The following CREB3L3 variants were observed in gnomAD, a reference collection of about 807,000 sequenced individuals.
CREB3L3 encodes cyclic AMP-responsive element-binding protein 3-like protein 3.
In CREB3L3, 40 loss-of-function variants were observed where a neutral mutation model predicts 44.6. The ratio of observed to expected loss-of-function variants is 0.90; its 90% CI spans 0.70 to 1.17. The LOEUF (loss-of-function observed/expected upper bound fraction) is 1.17. Among genes scored for constraint, CREB3L3 ranks in the 50% most tolerant of loss-of-function variants. The probability of loss-of-function intolerance (pLI) is 0.00; values close to 1 mark genes in which losing one functional copy is unlikely to be tolerated. For missense variants in CREB3L3, 578 were observed against 595.8 expected (o/e 0.97, Z 0.31); for synonymous variants, 273 against 256.3 (o/e 1.06, Z -0.62).
Position 4,170,173 on chromosome 19 carries a change from A to G in CREB3L3, c.855A>G (p.Leu285=). The change falls in exon 7 of 10, where the codon TTA becomes TTG. Residue 285 remains leucine, a synonymous_variant. Transcript: ENST00000078445. ...MSACTAQNQE[L]QRKVLHLEKQ... is the part of the protein sequence containing the mutation. Reference sequence around the variant, plus strand: ...CTTGCACTGCTCAGAATCAGGAGTTACAGAGGAAAGTCTTGCATCTCGAGA... The same window carrying G: ...CTTGCACTGCTCAGAATCAGGAGTTGCAGAGGAAAGTCTTGCATCTCGAGA... The G allele has an allele frequency of 6.2e-7, 1 of 1,614,140 alleles. No homozygotes were observed. The highest frequency in any genetic ancestry group is 8.5e-7 in the Non-Finnish European group (1 of 1,180,012).
chr19:4,167,795 G>A (rs1298393192), intron 5 of CREB3L3, among the ~76,000 whole-genome samples: 1 of 151,766 alleles, frequency 6.6e-6, no homozygotes, highest in Non-Finnish European at 1.5e-5. Context: ...GAGGGTTTGG[G>A]CAAAGGGTAG....
At chr19:4,168,317 G>A in intron 5 of CREB3L3, 34 bp from the exon 6 acceptor site, 2 of 1,570,422 alleles carry the variant, frequency 1.3e-6, no homozygotes, top group Non-Finnish European at 1.7e-6. Flanking sequence ...GGGACTTTCT[G>A]GCCTGAAACC....
At chr19:4,164,754 G>GC (rs2041704644) in intron 5 of CREB3L3, 114 bp downstream of exon 5, 1 of 1,288,042 alleles carries the variant, frequency 7.8e-7, no homozygotes, top group South Asian at 1.3e-5. Context: ...TGTCACTGAG[G>GC]CTGGGATGCA....
chr19:4,168,158 C>T (rs1966963616), intron 5 of CREB3L3, among the ~76,000 whole-genome samples, 193 bp from the exon 6 acceptor site: 2 of 151,906 alleles, frequency 1.3e-5, no homozygotes, highest in South Asian at 4.2e-4. Context: ...GCCACCATGC[C>T]TGGCTAATTT....
chr19:4,166,556 G>A (rs548552583), intron 5 of CREB3L3, among the ~76,000 whole-genome samples: 5 of 146,866 alleles, frequency 3.4e-5, no homozygotes, highest in Non-Finnish European at 5.9e-5. Flanking sequence ...GAGCCACTGC[G>A]CCCAGCATTT....
At chr19:4,154,614 T>G (rs1220036491) in intron 1 of CREB3L3, among the ~76,000 whole-genome samples, 1 of 151,836 alleles carries the variant, frequency 6.6e-6, no homozygotes, top group African/African-American at 2.4e-5. Context: ...GCTCAAGTGA[T>G]CCTCCTGCCC....
chr19:4,169,285 A>C (rs1433122761), intron 6 of CREB3L3, among the ~76,000 whole-genome samples: 3 of 151,644 alleles, frequency 2.0e-5, no homozygotes, highest in Admixed American at 2.0e-4. Context: ...AGTTCAGGAG[A>C]TCGAGACCAC....
chr19:4,165,624 G>T (rs766489796), intron 5 of CREB3L3, among the ~76,000 whole-genome samples: 5 of 152,122 alleles, frequency 3.3e-5, no homozygotes, highest in Admixed American at 6.6e-5. Flanking sequence ...CACTGTGGGA[G>T]GCTGAGGCAG....
intron 3 of CREB3L3, among the ~76,000 whole-genome samples, chr19:4,158,226 G>A (rs891497541): frequency 3.3e-5 from 5 of 152,080 alleles, no homozygotes; most frequent in African/African-American, 7.2e-5. Context: ...GGCCCGGAGC[G>A]GTGACTCATG....
At chr19:4,162,932 G>A (rs2041678281) in intron 4 of CREB3L3, among the ~76,000 whole-genome samples, 1 of 152,094 alleles carries the variant, frequency 6.6e-6, no homozygotes, top group South Asian at 2.1e-4. Flanking sequence ...AGCCAAGAGA[G>A]CACCACGGCA....
At chr19:4,167,372 G>GAGAA (rs1243040695) in intron 5 of CREB3L3, among the ~76,000 whole-genome samples, 18 of 136,308 alleles carry the variant, frequency 1.3e-4, no homozygotes, top group African/African-American at 4.3e-4. Context: ...GAGAGAGAGA[G>GAGAA]AGAAAAGGAA....
intron 1 of CREB3L3, among the ~76,000 whole-genome samples, chr19:4,154,451 C>T (rs1280927883): frequency 6.6e-6 from 1 of 152,032 alleles, no homozygotes; most frequent in Non-Finnish European, 1.5e-5. Flanking sequence ...CTCACTGCAG[C>T]CTCAACCTCC....
rs774337816 is a variant in CREB3L3 at position 4,171,203 on chromosome 19, G to A, written c.975+28G>A. On this transcript the variant is annotated intron_variant, in intron 8 of 9. Transcript: ENST00000078445. This position sits in a 1 kb window ranked among gnomAD's most constrained non-coding sequence, Gnocchi z 4.9. ...GAGTCCTGGTGCCCCCAGGCAAGCC[G>A]GGGACCTAGGCTTCTGTAGAGGGGC... The A allele has an allele frequency of 2.4e-5, 38 of 1,597,356 alleles. No homozygotes were observed. Among genetic ancestry groups the A allele is most frequent in the Admixed American group, 3.3e-5 (2 of 59,958 alleles).
chr19:4,171,011 G>T lies in CREB3L3; in HGVS notation c.891-80G>T. ...ATGGATGGAATTTGGACTTTAGCGG[G>T]GCTGGGGGACCCCGGAAATGGACGA... On this transcript the variant is annotated intron_variant, in intron 7 of 9. Coordinates refer to ENST00000078445, the MANE Select transcript of CREB3L3 (RefSeq NM_032607.3). This position sits in a 1 kb window ranked among gnomAD's most constrained non-coding sequence, Gnocchi z 4.9. 9.6e-7 allele frequency: 1 copy of T among 1,043,086 alleles called. No individual in the cohort carries two copies. The highest frequency in any genetic ancestry group is 1.6e-5 in the African/African-American group (1 of 64,052). The allele number at this position is 1,043,086 out of a possible 1,614,324, so 64.6% of individuals were successfully genotyped here. A position where few individuals can be genotyped will look rare whatever the true frequency, so the allele number is the denominator to read the frequency against.
At chr19:4,170,304 T>A (rs1208676664) in intron 7 of CREB3L3, 96 bp downstream of exon 7, 3 of 1,258,326 alleles carry the variant, frequency 2.4e-6, no homozygotes, top group Non-Finnish European at 2.3e-6. Context: ...CAGAATGACA[T>A]AGGGAATAAG....
chr19:4,168,214 G>A lies in CREB3L3; in HGVS notation c.715-137G>A, dbSNP rs559468351. 155 of 586,336 alleles carry A rather than the reference G, an allele frequency of 2.6e-4. 1 individual carries two copies. Among genetic ancestry groups the A allele is most frequent in the African/African-American group, 2.5e-3 (135 of 53,496 alleles). The allele number at this position is 586,336 out of a possible 1,614,324, so 36.3% of individuals were successfully genotyped here. On this transcript the variant is annotated intron_variant, in intron 5 of 9. Coordinates refer to ENST00000078445, the MANE Select transcript of CREB3L3 (RefSeq NM_032607.3). ...GTGTTTCACCATGTTGGCCAGGCTGGTCTCGAACTCCTGACCTCAGGTGAT... is the reference window on the plus strand; with the variant it reads ...GTGTTTCACCATGTTGGCCAGGCTGATCTCGAACTCCTGACCTCAGGTGAT...
In CREB3L3 at chr19:4,171,951, G is replaced by T. The variant is rs1247337699; in HGVS notation, c.1368G>T (p.Ala456=). 6.2e-7 allele frequency: 1 copy of T among 1,602,428 alleles called. No individual in the cohort carries two copies. Among genetic ancestry groups the T allele is most frequent in the Middle Eastern group, 1.8e-4 (1 of 5,706 alleles). The part of the protein sequence containing the change: ...STGSGRAGLE[A]AGDEL ...GCTCAGGACGTGCAGGGCTGGAGGC[G>T]GCGGGAGACGAGCTGTGAGCCCCGC... is the stretch of plus-strand genomic sequence containing the variant. The change falls in exon 10 of 10, where the codon GCG becomes GCT. Residue 456 remains alanine, a synonymous_variant. Coordinates refer to ENST00000078445, the MANE Select transcript of CREB3L3 (RefSeq NM_032607.3). This position sits in a 1 kb window ranked among gnomAD's most constrained non-coding sequence, Gnocchi z 4.9.
intron 2 of CREB3L3, among the ~76,000 whole-genome samples, chr19:4,156,018 G>A (rs554154438): frequency 4.6e-4 from 69 of 149,264 alleles, no homozygotes; most frequent in South Asian, 8.5e-4. Flanking sequence ...CAAAGTGCTG[G>A]GATTATAGGC....
chr19:4,157,163 TC>T lies in CREB3L3; in HGVS notation c.330del (p.Ala111ProfsTer30), dbSNP rs772498959. On this transcript the variant is annotated frameshift_variant, in exon 3 of 10. Coordinates refer to ENST00000078445, the MANE Select transcript of CREB3L3 (RefSeq NM_032607.3). LOFTEE classifies it high-confidence loss of function. ...CCCTCCACGCAGCGGACCAGCCACC[TC>T]CCCCGCCGGCTGCCATCCTGCCCAG... Reference protein sequence around the residue: ...DTPPRSGPATSPAGCHPAQPG... With the variant: ...DTPPRSGPATXPAGCHPAQPG... 1 of 1,612,970 alleles carries T rather than the reference TC, an allele frequency of 6.2e-7. No individual in the cohort carries two copies. Among genetic ancestry groups the T allele is most frequent in the Admixed American group, 1.7e-5 (1 of 59,868 alleles).
Sources: allele counts gnomAD v4.1 joint callset (sites outside exome capture counted in the v4.1 genomes callset), GRCh38; gene constraint gnomAD v4.1.1; non-coding constraint Gnocchi (gnomAD v3.1); transcripts MANE v1.5; gene names NCBI Gene and HGNC (gene_info 2026-07-23, HGNC 2026-07-21).